The following UBE2E2 variants were observed in gnomAD, a reference collection of about 807,000 sequenced individuals.
The protein encoded by UBE2E2 is ubiquitin-conjugating enzyme E2 E2.
UBE2E2 carries 6 observed loss-of-function variants against 24.7 expected under a neutral mutation model. The observed-to-expected ratio is 0.24, with a 90% confidence interval of 0.13 to 0.48. The LOEUF (loss-of-function observed/expected upper bound fraction) is 0.48, where lower values mean the gene tolerates loss of function less well. Among genes scored for constraint, UBE2E2 ranks in the 20% least tolerant of loss-of-function variants. The probability of loss-of-function intolerance (pLI) is 0.99; values close to 1 mark genes in which losing one functional copy is unlikely to be tolerated. For missense variants in UBE2E2, 169 were observed against 245.0 expected, an observed-to-expected ratio of 0.69 and a Z score of 2.07; for synonymous variants, 104 against 83.6, an observed-to-expected ratio of 1.24 and a Z score of -1.33.
rs181706568 is a variant in UBE2E2, at chr3:23,292,093, C to T, written c.227+74781C>T. Among the ~76,000 whole-genome samples, 1,102 of 152,038 alleles carry T rather than the reference C, an allele frequency of 7.2e-3. 9 individuals carry two copies. The highest frequency in any genetic ancestry group is 0.017 in the Middle Eastern group (5 of 292). ...CAGGATGGTCTTGATCTCCTGACCT[C>T]GTGATTCGCTCACCTTGGCCTCCCA... is the stretch of plus-strand genomic sequence containing the variant. On this transcript the variant is annotated intron_variant, in intron 3 of 5. Coordinates refer to ENST00000396703, the MANE Select transcript of UBE2E2 (RefSeq NM_152653.4).
At chr3:23,517,544 T>C (rs891411345) in intron 4 of UBE2E2, among the ~76,000 whole-genome samples, 9 of 152,214 alleles carry the variant, frequency 5.9e-5, no homozygotes, top group Non-Finnish European at 1.0e-4. Context: ...GTTTTTCCAG[T>C]TAATTTGTTT....
intron 5 of UBE2E2, among the ~76,000 whole-genome samples, chr3:23,575,993 CTG>C (rs1696338274): frequency 6.6e-6 from 1 of 152,090 alleles, no homozygotes; most frequent in Non-Finnish European, 1.5e-5. Flanking sequence ...TGCAGAATGT[CTG>C]TGCGATTTCT....
rs959899383 is a variant in UBE2E2 at position 23,353,194 on chromosome 3, G to A, written c.227+135882G>A. Among the ~76,000 whole-genome samples, 12 of 152,260 alleles carry A rather than the reference G, an allele frequency of 7.9e-5. 2 individuals carry two copies. The highest frequency in any genetic ancestry group is 2.0e-4 in the Admixed American group (3 of 15,296). ...TTGACAAAATTCAACAACACTTCAT[G>A]CTAAAAACTCTCAATAAATTAGGTA... On this transcript the variant is annotated intron_variant, in intron 3 of 5. Transcript: ENST00000396703.
intron 3 of UBE2E2, among the ~76,000 whole-genome samples, chr3:23,351,067 G>GT (rs1467326186): frequency 6.6e-6 from 1 of 152,234 alleles, no homozygotes; most frequent in African/African-American, 2.4e-5. Flanking sequence ...CCAGAAGAGA[G>GT]TGGGGACAAA....
At chr3:23,255,092 T>G (rs1339444341) in intron 3 of UBE2E2, among the ~76,000 whole-genome samples, 1 of 143,458 alleles carries the variant, frequency 7.0e-6, no homozygotes, top group Non-Finnish European at 1.5e-5. Context: ...TTTTTTTTTT[T>G]TTTTTTTTTT....
chr3:23,376,196 A>G (rs1559365943), intron 3 of UBE2E2, among the ~76,000 whole-genome samples: 1 of 152,206 alleles, frequency 6.6e-6, no homozygotes, highest in Non-Finnish European at 1.5e-5. Flanking sequence ...ACTATCTAAC[A>G]GTATATATTG....
At chr3:23,507,460 G>A (rs1559406236) in intron 4 of UBE2E2, among the ~76,000 whole-genome samples, 1 of 152,112 alleles carries the variant, frequency 6.6e-6, no homozygotes, top group African/African-American at 2.4e-5. Flanking sequence ...AACAATACCT[G>A]GTGATTCAGT....
intron 3 of UBE2E2, among the ~76,000 whole-genome samples, chr3:23,384,822 T>A (rs1472009921): frequency 6.6e-6 from 1 of 152,254 alleles, no homozygotes; most frequent in Non-Finnish European, 1.5e-5. Context: ...ATTACAGGCG[T>A]GAGCCACCAC....
At chr3:23,350,443 A>T (rs980177302) in intron 3 of UBE2E2, among the ~76,000 whole-genome samples, 1 of 152,244 alleles carries the variant, frequency 6.6e-6, no homozygotes. Flanking sequence ...ACTCCGAGCT[A>T]CAGGAGGAAA....
chr3:23,504,674 C>G (rs745623115), intron 4 of UBE2E2, among the ~76,000 whole-genome samples: 2 of 152,096 alleles, frequency 1.3e-5, no homozygotes, highest in Non-Finnish European at 2.9e-5. Context: ...ATTTATTTGA[C>G]TACCTGTGAA....
At chr3:23,475,429 C>G (rs1169567556) in intron 3 of UBE2E2, among the ~76,000 whole-genome samples, 1 of 152,036 alleles carries the variant, frequency 6.6e-6, no homozygotes, top group Non-Finnish European at 1.5e-5. Context: ...TACTTCTTTC[C>G]ATGCTCCTGT....
intron 3 of UBE2E2, among the ~76,000 whole-genome samples, chr3:23,395,326 C>G (rs1355520368): frequency 6.6e-6 from 1 of 152,200 alleles, no homozygotes; most frequent in African/African-American, 2.4e-5. Flanking sequence ...TAAAAATCCC[C>G]TGCTTTGCAG....
At chr3:23,249,647 A>G (rs1256432664) in intron 3 of UBE2E2, among the ~76,000 whole-genome samples, 2 of 144,190 alleles carry the variant, frequency 1.4e-5, no homozygotes, top group African/African-American at 5.2e-5. Flanking sequence ...GTGTGTATTA[A>G]CTCAGATTTT....
chr3:23,472,796 G>T (rs1409516835), intron 3 of UBE2E2, among the ~76,000 whole-genome samples: 1 of 151,544 alleles, frequency 6.6e-6, no homozygotes, highest in Non-Finnish European at 1.5e-5. Context: ...AGGCGCACAT[G>T]CTACCAAGCC....
At chr3:23,411,728 A>C (rs572866350) in intron 3 of UBE2E2, among the ~76,000 whole-genome samples, 7 of 152,266 alleles carry the variant, frequency 4.6e-5, no homozygotes, top group Non-Finnish European at 1.0e-4. Context: ...CTAAATTCTC[A>C]TTGGCTCATT....
intron 4 of UBE2E2, among the ~76,000 whole-genome samples, chr3:23,514,818 T>C (rs1694692586): frequency 6.6e-6 from 1 of 152,066 alleles, no homozygotes; most frequent in Non-Finnish European, 1.5e-5. Flanking sequence ...CAGTACTGAA[T>C]TGGTGAACTC....
Position 23,589,259 on chromosome 3 carries a change from A to T in UBE2E2, c.509-475A>T, listed in dbSNP as rs1696702907. ...AGTGAGACCCCCAAAATTACAAAAA[A>T]AAATTTGAAAATTAGCCAGGTGTTG... On this transcript the variant is annotated intron_variant, in intron 5 of 5. Coordinates refer to ENST00000396703, the MANE Select transcript of UBE2E2 (RefSeq NM_152653.4). The surrounding 1 kb of genome is among the most constrained non-coding windows in gnomAD (Gnocchi z 4.1). Among the ~76,000 whole-genome samples the T allele has an allele frequency of 1.3e-5, 2 of 152,088 alleles. No individual in the cohort carries two copies. The highest frequency in any genetic ancestry group is 6.8e-3 in the Middle Eastern group (2 of 294).
intron 3 of UBE2E2, among the ~76,000 whole-genome samples, chr3:23,339,115 A>T (rs889862183): frequency 2.6e-5 from 4 of 152,220 alleles, no homozygotes; most frequent in Non-Finnish European, 5.9e-5. Flanking sequence ...GATATGATGT[A>T]CTGAGAACGA....
At chr3:23,549,595 C>G (rs1275111430) in intron 5 of UBE2E2, among the ~76,000 whole-genome samples, 1 of 152,094 alleles carries the variant, frequency 6.6e-6, no homozygotes, top group Non-Finnish European at 1.5e-5. Context: ...CCCTATCTTG[C>G]AGCATTATTG....
Sources: gnomAD v4.1 joint callset for allele counts (sites outside exome capture counted in the v4.1 genomes callset) on GRCh38, gnomAD v4.1.1 for gene constraint, Gnocchi (gnomAD v3.1) non-coding constraint, MANE v1.5 for transcripts, NCBI Gene and HGNC (gene_info 2026-07-23, HGNC 2026-07-21) for gene names.